MKX: variants seen among roughly 807,000 people sequenced by gnomAD.
The protein encoded by MKX is mohawk homeobox, also known as homeobox protein Mohawk.
MKX carries 13 observed loss-of-function variants against 36.0 expected under a neutral mutation model. That is an observed-to-expected ratio of 0.36 (90% CI 0.24 to 0.57). The LOEUF (loss-of-function observed/expected upper bound fraction) is 0.57. Ranked by LOEUF, MKX falls within the 20% of genes least tolerant of loss-of-function variation. The probability of loss-of-function intolerance (pLI) is 0.79; values close to 1 mark genes in which losing one functional copy is unlikely to be tolerated. For synonymous variants in MKX, 176 were observed against 178.3 expected (o/e 0.99, Z 0.10); for missense variants, 458 against 456.4 (o/e 1.00, Z -0.03).
chr10:27,734,482 G>A lies in MKX; in HGVS notation c.812C>T (p.Thr271Ile), dbSNP rs1436334661. The A allele has an allele frequency of 6.2e-7, 1 of 1,614,056 alleles. No individual in the cohort carries two copies. The highest frequency in any genetic ancestry group is 8.5e-7 in the Non-Finnish European group (1 of 1,180,034). Residue 271 changes from threonine to isoleucine, a missense_variant, in exon 5 of 7, where the codon ACT becomes ATT. Around this residue, in one of 3 missense-constraint regions of MKX, gnomAD observed 297 missense variants for 304.4 expected, o/e 0.98. Coordinates refer to ENST00000419761, the MANE Select transcript of MKX (RefSeq NM_173576.3). ...EELVSPSSSE[T>I]EGNFVYRTDT... ...TGTGCGATAGACAAAGTTGCCTTCA[G>A]TTTCTGATGACGATGGAGACACTAA...
intron 5 of MKX, among the ~76,000 whole-genome samples, chr10:27,711,499 T>C (rs111639009): frequency 0.017 from 1,537 of 92,500 alleles, 45 homozygotes; most frequent in East Asian, 0.062. Context: ...CTCTCTCTTC[T>C]TTCCTTCCTT....
chr10:27,745,003 C>T (rs1276323157), intron 1 of MKX: 1 of 152,358 alleles, frequency 6.6e-6, no homozygotes, highest in Non-Finnish European at 1.5e-5. Context: ...AGAGAATTTT[C>T]GTGCTTGCAG....
intron 5 of MKX, among the ~76,000 whole-genome samples, chr10:27,680,199 C>A (rs1836229772): frequency 6.6e-6 from 1 of 152,128 alleles, no homozygotes; most frequent in Non-Finnish European, 1.5e-5. Flanking sequence ...TCTTACTCTG[C>A]AAGTAGCTTG....
intron 5 of MKX, among the ~76,000 whole-genome samples, chr10:27,723,286 T>C (rs1834419564): frequency 6.6e-6 from 1 of 151,932 alleles, no homozygotes; most frequent in Non-Finnish European, 1.5e-5. Flanking sequence ...TCTAAAAAGG[T>C]CTAAAATAAA....
In MKX at chr10:27,675,443, C is replaced by G. The variant is rs192664334; in HGVS notation, c.873-28G>C. The G allele has an allele frequency of 6.2e-6, 10 of 1,613,850 alleles. No homozygotes were observed. The African/African-American group carries it at 1.3e-4, about 22-fold the overall frequency. On this transcript the variant is annotated intron_variant, in intron 6 of 6. Transcript: ENST00000419761. ...GGAGTTAAGCAAAACAGAAAGTAAA[C>G]GATCAAACTCACTGCAGTTTGCATT... is the stretch of plus-strand genomic sequence containing the variant.
Position 27,734,525 on chromosome 10 carries a change from T to A in MKX, c.769A>T (p.Asn257Tyr). 6.2e-7 allele frequency: 1 copy of A among 1,614,240 alleles called. No individual in the cohort carries two copies. Among genetic ancestry groups the A allele is most frequent in the Non-Finnish European group, 8.5e-7 (1 of 1,180,032 alleles). ...GACACTAATTCTTCCTCAAATTCAT[T>A]GGAGCTAAAAGATCCCGAGTGGTTT... Reference protein sequence around the residue: ...QRNHSGSFSSNEFEEELVSPS... With the variant: ...QRNHSGSFSSYEFEEELVSPS... Residue 257 changes from asparagine (N) to tyrosine (Y), a missense_variant, in exon 5 of 7, where the codon AAT becomes TAT. Physicochemically the swap from Asn to Tyr is moderately radical, Grantham distance 143. Coordinates refer to ENST00000419761, the MANE Select transcript of MKX (RefSeq NM_173576.3).
In MKX at chr10:27,734,321, G is replaced by A. The variant is rs144771675; in HGVS notation, c.838+135C>T. Reference sequence around the variant, plus strand: ...ATTGGCAATTCTAAACAAAACGAAAGCTTTAAAACTGAATTATGGGCAATA... The same window carrying A: ...ATTGGCAATTCTAAACAAAACGAAAACTTTAAAACTGAATTATGGGCAATA... On this transcript the variant is annotated intron_variant, in intron 5 of 6. Transcript: ENST00000419761. 2.5e-3 allele frequency: 1,894 copies of A among 769,260 alleles called. 27 individuals carry two copies. In the African/African-American group the frequency reaches 0.029, roughly 12 times the overall value. 47.7% of individuals were successfully genotyped at this position (769,260 alleles called of 1,614,324 possible).
chr10:27,717,666 G>T (rs1836989254), intron 5 of MKX, among the ~76,000 whole-genome samples: 1 of 152,238 alleles, frequency 6.6e-6, no homozygotes, highest in Non-Finnish European at 1.5e-5. Flanking sequence ...CCCAGGGAAA[G>T]CCTGGTGGAG....
chr10:27,678,520 C>T (rs947996139), intron 5 of MKX, among the ~76,000 whole-genome samples: 5 of 152,272 alleles, frequency 3.3e-5, no homozygotes, highest in South Asian at 2.1e-4. Flanking sequence ...CTCACATAGG[C>T]GAAGGAGACC....
chr10:27,692,680 T>C (rs1282490817), intron 5 of MKX, among the ~76,000 whole-genome samples: 7 of 152,372 alleles, frequency 4.6e-5, no homozygotes, highest in African/African-American at 1.4e-4. Context: ...AATTTCTTTC[T>C]AGGGTAGGAT....
chr10:27,714,886 A>G (rs1229924077), intron 5 of MKX, among the ~76,000 whole-genome samples: 2 of 152,150 alleles, frequency 1.3e-5, no homozygotes, highest in African/African-American at 4.8e-5. Context: ...TTTTCTGTGG[A>G]TTTACAGAGT....
At chr10:27,683,058 G>A (rs1836284181) in intron 5 of MKX, among the ~76,000 whole-genome samples, 1 of 152,132 alleles carries the variant, frequency 6.6e-6, no homozygotes, top group Non-Finnish European at 1.5e-5. Context: ...TAGGTTTTGC[G>A]CTCCTGGGAG....
At chr10:27,717,631 A>G (rs1836988720) in intron 5 of MKX, among the ~76,000 whole-genome samples, 1 of 152,264 alleles carries the variant, frequency 6.6e-6, no homozygotes, top group South Asian at 2.1e-4. Flanking sequence ...ACATTGGAAA[A>G]GAAAACCCTT....
chr10:27,731,031 G>A (rs1179088091), intron 5 of MKX, among the ~76,000 whole-genome samples: 3 of 151,430 alleles, frequency 2.0e-5, no homozygotes, highest in Non-Finnish European at 4.4e-5. Context: ...CTACTCAGGA[G>A]GCTGAGGCAG....
At chr10:27,711,475 CTTT>C (rs1836859758) in intron 5 of MKX, among the ~76,000 whole-genome samples, 2 of 34,780 alleles carry the variant, frequency 5.8e-5, no homozygotes, top group African/African-American at 2.0e-4. Flanking sequence ...TTCTTTCTTT[CTTT>C]CTTTCTCTCT....
intron 3 of MKX, among the ~76,000 whole-genome samples, chr10:27,738,877 A>G (rs1834833907): frequency 6.6e-6 from 1 of 152,044 alleles, no homozygotes; most frequent in East Asian, 1.9e-4. Flanking sequence ...ATGTAATATA[A>G]CACTTGGAAT....
rs61846397 is a variant in MKX at position 27,716,690 on chromosome 10, T to G, written c.838+17766A>C. Among the ~76,000 whole-genome samples the G allele has an allele frequency of 3.9e-3, 590 of 152,310 alleles. 1 individual carries two copies. Among genetic ancestry groups the G allele is most frequent in the Admixed American group, 7.6e-3 (116 of 15,294 alleles). ...GCATTTAAAGCGGTACATTTTTTTG[T>G]ACTTTATAAGCTCACACTCATCATA... On this transcript the variant is annotated intron_variant, in intron 5 of 6. Coordinates refer to ENST00000419761, the MANE Select transcript of MKX (RefSeq NM_173576.3).
chr10:27,728,940 C>T (rs931495225), intron 5 of MKX, among the ~76,000 whole-genome samples: 1 of 152,182 alleles, frequency 6.6e-6, no homozygotes, highest in African/African-American at 2.4e-5. Flanking sequence ...TCGTTTTGTT[C>T]CATGTCTCCA....
intron 5 of MKX, among the ~76,000 whole-genome samples, chr10:27,727,112 T>G (rs1476763266): frequency 6.6e-6 from 1 of 152,226 alleles, no homozygotes; most frequent in East Asian, 1.9e-4. Flanking sequence ...AAATCAGTGT[T>G]GCTACATTTT....
Sources: allele counts gnomAD v4.1 joint callset (sites outside exome capture counted in the v4.1 genomes callset), GRCh38; gene constraint gnomAD v4.1.1; regional missense constraint gnomAD v4.1.1; transcripts MANE v1.5; gene names NCBI Gene and HGNC (gene_info 2026-07-23, HGNC 2026-07-21).